The following DOCK3 variants were observed in gnomAD, a reference collection of about 807,000 sequenced individuals.
DOCK3 encodes dedicator of cytokinesis 3.
Under a neutral mutation model 265.6 loss-of-function variants are expected in DOCK3, and 60 were observed. The observed-to-expected ratio is 0.23, with a 90% CI of 0.18 to 0.28. DOCK3 has a LOEUF of 0.28. Among genes scored for constraint, DOCK3 ranks in the 10% least tolerant of loss-of-function variants. The pLI, the probability that DOCK3 is intolerant of heterozygous loss-of-function variation, is 1.00. For synonymous variants in DOCK3, 881 were observed against 938.0 expected (o/e 0.94, Z 1.11); for missense variants, 1,981 against 2,594.3 (o/e 0.76, Z 5.14).
chr3:51,106,879 A>G (rs2083303401), intron 9 of DOCK3, among the ~76,000 whole-genome samples: 1 of 152,344 alleles, frequency 6.6e-6, no homozygotes, highest in Admixed American at 6.5e-5. Context: ...TCCCCACTGC[A>G]TTGCCGCTGC....
chr3:50,709,735 A>C (rs1382869568), intron 1 of DOCK3, among the ~76,000 whole-genome samples: 1 of 152,208 alleles, frequency 6.6e-6, no homozygotes, highest in Non-Finnish European at 1.5e-5. Flanking sequence ...CTGAGGCAGG[A>C]GAATCACTTG....
At chr3:50,719,376 G>A (rs1056637311) in intron 1 of DOCK3, 11 of 419,560 alleles carry the variant, frequency 2.6e-5, no homozygotes, top group Non-Finnish European at 4.7e-5. Context: ...CCTGCAGCAA[G>A]AGCACAGTGA....
intron 1 of DOCK3, among the ~76,000 whole-genome samples, chr3:50,758,762 C>T (rs2040350114): frequency 6.6e-6 from 1 of 152,148 alleles, no homozygotes; most frequent in Non-Finnish European, 1.5e-5. Flanking sequence ...ATTACAGATA[C>T]TCCTTCTCTT....
In DOCK3 at chr3:51,356,079, T is replaced by C. The variant is rs752665277; in HGVS notation, c.4250-10T>C. On this transcript the variant is annotated splice_polypyrimidine_tract_variant and intron_variant, in intron 41 of 52. Transcript: ENST00000266037. ...GGCAAGTCTGTGTTTCTCCTTCACT[T>C]CCTGCCCAGACTTGCAGATCTATGC... is the stretch of plus-strand genomic sequence containing the variant. 6.2e-7 allele frequency: 1 copy of C among 1,613,872 alleles called. No individual in the cohort carries two copies. The highest frequency in any genetic ancestry group is 1.7e-5 in the Admixed American group (1 of 60,024).
chr3:51,344,692 G>C (rs953322790), intron 38 of DOCK3, among the ~76,000 whole-genome samples: 17 of 152,330 alleles, frequency 1.1e-4, no homozygotes, highest in Non-Finnish European at 1.8e-4. Context: ...GGGAGTTTTA[G>C]AGTTAGCTTT....
intron 35 of DOCK3, among the ~76,000 whole-genome samples, chr3:51,334,811 C>T (rs1413512434): frequency 6.6e-6 from 1 of 152,178 alleles, no homozygotes; most frequent in African/African-American, 2.4e-5. Flanking sequence ...TCTTAGGCTC[C>T]AAGGCCTTAT....
At chr3:51,176,008 C>G (rs1404609148) in intron 12 of DOCK3, among the ~76,000 whole-genome samples, 1 of 152,202 alleles carries the variant, frequency 6.6e-6, no homozygotes, top group East Asian at 1.9e-4. Flanking sequence ...TCAAATAAGT[C>G]TGTGACCATA....
At chr3:50,788,005 CTT>C (rs1347534364) in intron 2 of DOCK3, 1 of 776,664 alleles carries the variant, frequency 1.3e-6, no homozygotes, top group Non-Finnish European at 2.2e-6. Context: ...CCTGGTCTTC[CTT>C]AATAGCATGC....
chr3:50,782,282 A>G (rs1391852949), intron 2 of DOCK3, among the ~76,000 whole-genome samples: 3 of 110,202 alleles, frequency 2.7e-5, no homozygotes, highest in Non-Finnish European at 3.6e-5. Flanking sequence ...TCTCACCAGT[A>G]CCTGTTATTT....
Position 51,356,234 on chromosome 3 carries a change from G to A in DOCK3, c.4395G>A (p.Lys1465=), listed in dbSNP as rs754472021. ...RYDRPFHKGP[K]DKENEFKSLW... ...ACAGGCCTTTTCACAAAGGCCCCAA[G>A]GACAAGGAGAATGAATTCAAGGTGA... The change falls in exon 42 of 53, where the codon AAG becomes AAA. Residue 1465 remains lysine, a synonymous_variant. Coordinates refer to ENST00000266037, the MANE Select transcript of DOCK3 (RefSeq NM_004947.5). The A allele has an allele frequency of 1.2e-6, 2 of 1,611,982 alleles. No individual in the cohort carries two copies. The highest frequency in any genetic ancestry group is 2.7e-5 in the African/African-American group (2 of 74,080).
intron 22 of DOCK3, among the ~76,000 whole-genome samples, chr3:51,254,212 T>C (rs1226131678): frequency 6.6e-6 from 1 of 152,260 alleles, no homozygotes; most frequent in Non-Finnish European, 1.5e-5. Flanking sequence ...TCTAGTTTGA[T>C]TGCACTGTGG....
chr3:50,847,881 T>TA lies in DOCK3; in HGVS notation c.162+6166_162+6167insA, dbSNP rs1559718299. Among the ~76,000 whole-genome samples, 37 of 3,754 alleles carry TA rather than the reference T, an allele frequency of 9.9e-3. 1 individual carries two copies. Among genetic ancestry groups the TA allele is most frequent in the African/African-American group, 0.016 (31 of 1,894 alleles). 2.5% of individuals were successfully genotyped at this position (3,754 alleles called of 152,430 possible). A position where few individuals can be genotyped will look rare whatever the true frequency, so the allele number is the denominator to read the frequency against. On this transcript the variant is annotated intron_variant, in intron 3 of 52. Coordinates refer to ENST00000266037, the MANE Select transcript of DOCK3 (RefSeq NM_004947.5). ...CTGGGTGACAGAACGAGGCTCCATTTCAAAAAAAAAAAAAAAAAAAAATCC... is the reference window on the plus strand; with the variant it reads ...CTGGGTGACAGAACGAGGCTCCATTTACAAAAAAAAAAAAAAAAAAAAATCC...
intron 2 of DOCK3, among the ~76,000 whole-genome samples, chr3:50,789,339 G>C (rs998403119): frequency 2.6e-5 from 4 of 152,152 alleles, no homozygotes; most frequent in African/African-American, 9.7e-5. Flanking sequence ...ATCTGAGAGA[G>C]TACTTGATGT....
chr3:50,970,889 TTTTATATATATATA>T lies in DOCK3; in HGVS notation c.315+36814_315+36827del, dbSNP rs1246045525. 8.6e-3 allele frequency among the ~76,000 whole-genome samples: 370 copies of T among 42,898 alleles called. 29 individuals carry two copies. Among genetic ancestry groups the T allele is most frequent in the East Asian group, 0.024 (27 of 1,108 alleles). The allele number at this position is 42,898 out of a possible 152,430, so 28.1% of individuals were successfully genotyped here. A position where few individuals can be genotyped will look rare whatever the true frequency, so the allele number is the denominator to read the frequency against. On this transcript the variant is annotated intron_variant, in intron 5 of 52. Coordinates refer to ENST00000266037, the MANE Select transcript of DOCK3 (RefSeq NM_004947.5). ...GCACATACTACCACACTCATCTAAT[TTTTATATATATATA>T]TATATATATATATATATATATATAT...
intron 10 of DOCK3, among the ~76,000 whole-genome samples, chr3:51,147,608 G>C (rs1045343709): frequency 6.6e-5 from 10 of 152,140 alleles, no homozygotes; most frequent in East Asian, 5.8e-4. Context: ...TTCTGTCCTT[G>C]TGATAGTTTG....
intron 49 of DOCK3, among the ~76,000 whole-genome samples, chr3:51,373,619 A>G (rs2087855305): frequency 1.3e-5 from 2 of 152,264 alleles, no homozygotes; most frequent in South Asian, 4.1e-4. Flanking sequence ...CCATGGGGAC[A>G]GAGTCACACC....
At position 50,851,414 on chromosome 3, in the gene DOCK3, G is replaced by A. The variant is rs147108908; in HGVS notation, c.162+9699G>A. ...TGGGGCAGTTCAGGCGGCTGATCCA[G>A]ATGAGCTAGAACTCCAAATGCCTGG... is the stretch of plus-strand genomic sequence containing the variant. On this transcript the variant is annotated intron_variant, in intron 3 of 52. Transcript: ENST00000266037. Among the ~76,000 whole-genome samples the A allele has an allele frequency of 2.6e-5, 4 of 152,284 alleles. No individual in the cohort carries two copies. The East Asian group carries it at 5.8e-4, about 22-fold the overall frequency.
At position 50,831,590 on chromosome 3, in the gene DOCK3, T is replaced by C. The variant is rs190456259; in HGVS notation, c.122-10085T>C. Among the ~76,000 whole-genome samples the C allele has an allele frequency of 1.1e-4, 17 of 152,356 alleles. 1 individual carries two copies. The East Asian group carries it at 3.1e-3, about 28-fold the overall frequency. ...TTTTATAGGGCTGCATAGTATTCCA[T>C]GTTGTATATGTACTACATTTTCTTT... is the stretch of plus-strand genomic sequence containing the variant. On this transcript the variant is annotated intron_variant, in intron 2 of 52. Coordinates refer to ENST00000266037, the MANE Select transcript of DOCK3 (RefSeq NM_004947.5).
intron 1 of DOCK3, among the ~76,000 whole-genome samples, chr3:50,728,133 A>T (rs765290676): frequency 1.3e-5 from 2 of 152,212 alleles, no homozygotes; most frequent in African/African-American, 2.4e-5. Context: ...TAAAAACCGT[A>T]AAATAATCAG....
Sources: allele counts gnomAD v4.1 joint callset (sites outside exome capture counted in the v4.1 genomes callset), GRCh38; gene constraint gnomAD v4.1.1; transcripts MANE v1.5; gene names NCBI Gene and HGNC (gene_info 2026-07-23, HGNC 2026-07-21).